SPPL3: variants seen among roughly 807,000 people sequenced by gnomAD.
SPPL3 encodes the protein signal peptide peptidase like 3, also known as signal peptide peptidase-like 3.
Under a neutral mutation model 42.4 loss-of-function variants are expected in SPPL3, and 5 were observed. The observed-to-expected ratio is 0.12, with a 90% CI of 0.06 to 0.25. The LOEUF (loss-of-function observed/expected upper bound fraction) is 0.25, where lower values mean the gene tolerates loss of function less well. Ranked by LOEUF, SPPL3 falls within the 10% of genes least tolerant of loss-of-function variation. The probability of loss-of-function intolerance (pLI) is 1.00; values close to 1 mark genes in which losing one functional copy is unlikely to be tolerated. For missense variants in SPPL3, 235 were observed against 489.0 expected (o/e 0.48, Z 4.90); for synonymous variants, 195 against 181.8 (o/e 1.07, Z -0.58).
intron 2 of SPPL3, among the ~76,000 whole-genome samples, chr12:120,809,055 A>C (rs1309872187): frequency 6.6e-6 from 1 of 152,202 alleles, no homozygotes; most frequent in African/African-American, 2.4e-5. Flanking sequence ...CTCAGTGATT[A>C]ACACTTTTGG....
chr12:120,764,682 A>C lies in SPPL3; in HGVS notation c.*317T>G. On this transcript the variant is annotated 3_prime_UTR_variant, in exon 11 of 11. Coordinates refer to ENST00000353487, the MANE Select transcript of SPPL3 (RefSeq NM_139015.5). ...TCCTCGCTGTTTTCAGTTTTTAAAC[A>C]GTCAAATCTCCATCTCCCCCAGAAG... The C allele has an allele frequency of 2.5e-6, 1 of 397,842 alleles. No homozygotes were observed. Among genetic ancestry groups the C allele is most frequent in the Non-Finnish European group, 4.4e-6 (1 of 225,890 alleles). The allele number at this position is 397,842 out of a possible 1,614,324, so 24.6% of individuals were successfully genotyped here.
In SPPL3 at chr12:120,802,435, T is replaced by A. The variant is rs910568728; in HGVS notation, c.101+8374A>T. Among the ~76,000 whole-genome samples the A allele has an allele frequency of 3.3e-3, 458 of 138,770 alleles. 4 individuals are homozygous for A. Among genetic ancestry groups the A allele is most frequent in the East Asian group, 0.018 (90 of 4,868 alleles). The allele number at this position is 138,770 out of a possible 152,430, so 91.0% of individuals were successfully genotyped here. A position where few individuals can be genotyped will look rare whatever the true frequency, so the allele number is the denominator to read the frequency against. Reference sequence around the variant, plus strand: ...TGTGTGTATATATATATATATATTTTTTTTTTTTTTCCTTTTTGAGATGGA... The same window carrying A: ...TGTGTGTATATATATATATATATTTATTTTTTTTTTCCTTTTTGAGATGGA... On this transcript the variant is annotated intron_variant, in intron 2 of 10. Transcript: ENST00000353487.
Position 120,889,590 on chromosome 12 carries a change from C to T in SPPL3, c.23+14255G>A, listed in dbSNP as rs146905761. ...GGGCCTAAAATGAACACACTTGAAG[C>T]GGAGTCATCTCAATCAACTTACAGA... is the stretch of plus-strand genomic sequence containing the variant. On this transcript the variant is annotated intron_variant, in intron 1 of 10. Transcript: ENST00000353487. 4.7e-3 allele frequency among the ~76,000 whole-genome samples: 715 copies of T among 152,332 alleles called. 8 individuals carry two copies. Among genetic ancestry groups the T allele is most frequent in the African/African-American group, 0.016 (656 of 41,572 alleles).
At chr12:120,767,289 T>C in intron 9 of SPPL3, 105 bp downstream of exon 9, 3 of 1,251,542 alleles carry the variant, frequency 2.4e-6, no homozygotes, top group Non-Finnish European at 3.3e-6. Context: ...CCAGAATTCC[T>C]GCTCTCCTTC....
At chr12:120,782,089 T>G (rs1869565095) in intron 6 of SPPL3, among the ~76,000 whole-genome samples, 1 of 151,868 alleles carries the variant, frequency 6.6e-6, no homozygotes, top group Non-Finnish European at 1.5e-5. Flanking sequence ...AGACTGGTCT[T>G]GAACTCTTGG....
At chr12:120,767,278 C>A in intron 9 of SPPL3, 116 bp downstream of exon 9, 3 of 1,148,236 alleles carry the variant, frequency 2.6e-6, no homozygotes, top group Non-Finnish European at 3.7e-6. Context: ...TATTACAGCA[C>A]CCAGAATTCC....
At chr12:120,890,493 G>C (rs1873600321) in intron 1 of SPPL3, among the ~76,000 whole-genome samples, 1 of 150,770 alleles carries the variant, frequency 6.6e-6, no homozygotes, top group South Asian at 2.1e-4. Context: ...GGAGGCTGAG[G>C]CAGGAGAATC....
intron 1 of SPPL3, among the ~76,000 whole-genome samples, chr12:120,895,070 A>G (rs1151861): frequency 0.24 from 37,090 of 152,148 alleles, 5,630 homozygotes; most frequent in Non-Finnish European, 0.35. Flanking sequence ...CATCCACTCT[A>G]CTGTTCTTTC....
chr12:120,807,674 CAAA>C (rs10706063), intron 2 of SPPL3, among the ~76,000 whole-genome samples: 1 of 126,450 alleles, frequency 7.9e-6, no homozygotes. Context: ...AACTCCGACT[CAAA>C]AAAAAAAAAA....
chr12:120,858,934 C>T (rs1013784767), intron 1 of SPPL3, among the ~76,000 whole-genome samples: 1 of 152,070 alleles, frequency 6.6e-6, no homozygotes. Flanking sequence ...TAACTTTTTA[C>T]GAATCAGTTT....
Position 120,791,188 on chromosome 12 carries a change from T to G in SPPL3, c.190+281A>C, listed in dbSNP as rs572862301. 1.1e-4 allele frequency among the ~76,000 whole-genome samples: 17 copies of G among 152,342 alleles called. No individual in the cohort carries two copies. In the East Asian group the frequency reaches 3.3e-3, roughly 29 times the overall value. ...GTACTTTTGCATCTTTCAAAAGATC[T>G]AACAGAATGTTGAGTACATGGCAGA... On this transcript the variant is annotated intron_variant, in intron 3 of 10. Coordinates refer to ENST00000353487, the MANE Select transcript of SPPL3 (RefSeq NM_139015.5).
At chr12:120,884,808 G>GGGGT (rs35074232) in intron 1 of SPPL3, among the ~76,000 whole-genome samples, 11 of 137,504 alleles carry the variant, frequency 8.0e-5, no homozygotes, top group South Asian at 2.2e-4. Context: ...TTTTTTTTGG[G>GGGGT]TTTTTTTTTT....
intron 1 of SPPL3, among the ~76,000 whole-genome samples, chr12:120,839,575 T>C (rs73229162): frequency 0.025 from 3,880 of 152,286 alleles, 77 homozygotes; most frequent in Middle Eastern, 0.051. Flanking sequence ...TAATTCTTTT[T>C]CTTTAAATAA....
chr12:120,801,133 C>T (rs952861966), intron 2 of SPPL3, among the ~76,000 whole-genome samples: 1 of 152,178 alleles, frequency 6.6e-6, no homozygotes, highest in Non-Finnish European at 1.5e-5. Context: ...GAGGTGGAGG[C>T]ATTTCTCTGA....
intron 1 of SPPL3, among the ~76,000 whole-genome samples, chr12:120,886,033 T>C (rs114601966): frequency 0.017 from 2,593 of 151,816 alleles, 82 homozygotes; most frequent in African/African-American, 0.059. Context: ...TTTGTATTTT[T>C]AACCTGTCCA....
At chr12:120,814,634 A>G (rs1454635402) in intron 1 of SPPL3, among the ~76,000 whole-genome samples, 1 of 152,034 alleles carries the variant, frequency 6.6e-6, no homozygotes, top group Non-Finnish European at 1.5e-5. Context: ...TATTCATACA[A>G]AAATCAAAAG....
At chr12:120,903,527 T>G in intron 1 of SPPL3, 6 of 373,838 alleles carry the variant, frequency 1.6e-5, no homozygotes, top group East Asian at 1.1e-4. Flanking sequence ...GCCTGTCGGA[T>G]TCAACTTCCC....
In SPPL3 at chr12:120,768,378, A is replaced by G. The variant is rs1868985584; in HGVS notation, c.720T>C (p.Asn240=). 1.2e-6 allele frequency: 2 copies of G among 1,614,188 alleles called. No homozygotes were observed. The highest frequency in any genetic ancestry group is 2.2e-5 in the East Asian group (1 of 44,888). Reference sequence around the variant, plus strand: ...ACAGGCGAGGAACATCACGCCCAACATTGGGCCCCAGGTGGAGCTTCCGGG... The same window carrying G: ...ACAGGCGAGGAACATCACGCCCAACGTTGGGCCCCAGGTGGAGCTTCCGGG... The part of the protein sequence containing the change: ...VLSRKLHLGP[N]VGRDVPRLSL... Residue 240 remains asparagine (N), a synonymous_variant, in exon 8 of 11, where the codon AAT becomes AAC. Coordinates refer to ENST00000353487, the MANE Select transcript of SPPL3 (RefSeq NM_139015.5).
At chr12:120,863,491 G>A (rs976959730) in intron 1 of SPPL3, among the ~76,000 whole-genome samples, 7 of 152,006 alleles carry the variant, frequency 4.6e-5, no homozygotes, top group South Asian at 4.1e-4. Context: ...TATCTGCTTC[G>A]GCATTTAATC....
Sources: gnomAD v4.1 joint callset for allele counts (sites outside exome capture counted in the v4.1 genomes callset) on GRCh38, gnomAD v4.1.1 for gene constraint, MANE v1.5 for transcripts, NCBI Gene and HGNC (gene_info 2026-07-23, HGNC 2026-07-21) for gene names.